VWC2L: variants seen among roughly 807,000 people sequenced by gnomAD.
The protein encoded by VWC2L is von Willebrand factor C domain-containing protein 2-like.
In VWC2L, 10 loss-of-function variants were observed where a neutral mutation model predicts 21.6. That is an observed-to-expected ratio of 0.46 (90% confidence interval 0.29 to 0.78). The LOEUF (loss-of-function observed/expected upper bound fraction) is 0.78, where lower values mean the gene tolerates loss of function less well. VWC2L is among the 30% of genes least tolerant of loss of function. VWC2L has a pLI of 0.10. For synonymous variants in VWC2L, 96 were observed against 94.3 expected (o/e 1.02, Z -0.10); for missense variants, 209 against 277.1 (o/e 0.75, Z 1.74).
chr2:214,504,208 G>A (rs536920242), intron 3 of VWC2L, among the ~76,000 whole-genome samples: 3 of 152,264 alleles, frequency 2.0e-5, no homozygotes, highest in African/African-American at 4.8e-5. Context: ...TAGCTGCTTC[G>A]TTTCCCTAAG....
At position 214,411,279 on chromosome 2, in the gene VWC2L, C is replaced by G. The variant is rs1053677434; in HGVS notation, c.-588C>G. 6.6e-6 allele frequency: 1 copy of G among 152,236 alleles called. No homozygotes were observed. The highest frequency in any genetic ancestry group is 1.5e-5 in the Non-Finnish European group (1 of 68,066). 9.4% of individuals were successfully genotyped at this position (152,236 alleles called of 1,614,324 possible). A position where few individuals can be genotyped will look rare whatever the true frequency, so the allele number is the denominator to read the frequency against. On this transcript the variant is annotated 5_prime_UTR_variant, in exon 1 of 4. Transcript: ENST00000312504. ...TGTAAGAGGGGATTCAAGCAACACACTGTGGACGATGGTGATGGTATTGCC... is the reference window on the plus strand; with the variant it reads ...TGTAAGAGGGGATTCAAGCAACACAGTGTGGACGATGGTGATGGTATTGCC...
At chr2:214,504,967 T>C (rs1688947371) in intron 3 of VWC2L, among the ~76,000 whole-genome samples, 1 of 152,216 alleles carries the variant, frequency 6.6e-6, no homozygotes, top group African/African-American at 2.4e-5. Context: ...TAAATTTGAC[T>C]GGCCTGAACA....
At chr2:214,433,784 A>T (rs1027198375) in intron 2 of VWC2L, among the ~76,000 whole-genome samples, 2 of 152,200 alleles carry the variant, frequency 1.3e-5, no homozygotes, top group African/African-American at 4.8e-5. Flanking sequence ...CAAGTTGAGC[A>T]AGAGGACAAC....
At chr2:214,425,946 C>T (rs1225170979) in intron 2 of VWC2L, among the ~76,000 whole-genome samples, 1 of 151,744 alleles carries the variant, frequency 6.6e-6, no homozygotes. Flanking sequence ...CTGAGGCGGG[C>T]AGATCACCTG....
chr2:214,511,826 C>A (rs1233258590), intron 3 of VWC2L, among the ~76,000 whole-genome samples: 8 of 121,782 alleles, frequency 6.6e-5, no homozygotes, highest in Non-Finnish European at 1.2e-4. Context: ...ACACAACACA[C>A]TATATATATA....
intron 3 of VWC2L, among the ~76,000 whole-genome samples, chr2:214,487,105 G>A (rs762619039): frequency 2.0e-5 from 3 of 152,176 alleles, no homozygotes; most frequent in Non-Finnish European, 4.4e-5. Flanking sequence ...AGAGGAAGGC[G>A]GCAGCCATCT....
At chr2:214,448,627 GTTTA>G (rs948429659) in intron 3 of VWC2L, among the ~76,000 whole-genome samples, 2 of 152,116 alleles carry the variant, frequency 1.3e-5, no homozygotes, top group Non-Finnish European at 2.9e-5. Context: ...TAAAGCTCCT[GTTTA>G]TTAAGAACAG....
intron 3 of VWC2L, among the ~76,000 whole-genome samples, chr2:214,517,217 G>A (rs1689157571): frequency 6.6e-6 from 1 of 152,118 alleles, no homozygotes; most frequent in Admixed American, 6.5e-5. Context: ...TTCTTCACTT[G>A]GCTTTCAGTA....
intron 3 of VWC2L, among the ~76,000 whole-genome samples, chr2:214,439,160 A>G (rs1702724301): frequency 6.6e-6 from 1 of 152,066 alleles, no homozygotes; most frequent in Non-Finnish European, 1.5e-5. Flanking sequence ...CACCAGTGGT[A>G]CCAATAATTT....
rs1324778409 is a variant in VWC2L at position 214,552,271 on chromosome 2, A to T, written c.521-23401A>T. Among the ~76,000 whole-genome samples, 4 of 152,244 alleles carry T rather than the reference A, an allele frequency of 2.6e-5. No homozygotes were observed. The South Asian group carries it at 8.3e-4, about 31-fold the overall frequency. On this transcript the variant is annotated intron_variant, in intron 3 of 3. Transcript: ENST00000312504. The stretch of plus-strand genomic sequence containing the variant: ...TTAAAGAAAGAAAAATAGGCCTTAG[A>T]AGTTGACTGAATGAATAAATACCAA...
intron 3 of VWC2L, among the ~76,000 whole-genome samples, chr2:214,495,937 T>G (rs1011199951): frequency 6.6e-6 from 1 of 152,142 alleles, no homozygotes; most frequent in Non-Finnish European, 1.5e-5. Flanking sequence ...CTACATACAG[T>G]CATGTGTTGC....
intron 3 of VWC2L, among the ~76,000 whole-genome samples, chr2:214,438,904 T>A (rs948856159): frequency 3.3e-5 from 5 of 152,082 alleles, no homozygotes; most frequent in Non-Finnish European, 7.4e-5. Flanking sequence ...TGATATTTTT[T>A]AAATCATGAA....
intron 3 of VWC2L, among the ~76,000 whole-genome samples, chr2:214,493,328 G>T (rs1001041996): frequency 1.3e-5 from 2 of 152,140 alleles, no homozygotes; most frequent in Non-Finnish European, 2.9e-5. Flanking sequence ...CCATCTTTGT[G>T]CAAGTGACAA....
At chr2:214,555,720 A>G (rs1015390496) in intron 3 of VWC2L, among the ~76,000 whole-genome samples, 4 of 152,214 alleles carry the variant, frequency 2.6e-5, no homozygotes, top group African/African-American at 2.4e-5. Flanking sequence ...CATTTTCACA[A>G]GCAAGAATAA....
At chr2:214,533,649 A>T (rs957424093) in intron 3 of VWC2L, among the ~76,000 whole-genome samples, 1 of 152,288 alleles carries the variant, frequency 6.6e-6, no homozygotes, top group Non-Finnish European at 1.5e-5. Context: ...TATTCATATA[A>T]ATGCAAATTC....
chr2:214,446,786 T>A (rs1440175241), intron 3 of VWC2L, among the ~76,000 whole-genome samples: 2 of 152,286 alleles, frequency 1.3e-5, no homozygotes, highest in East Asian at 3.9e-4. Context: ...CTTCAAGTGG[T>A]ATGCAATACT....
At chr2:214,448,998 C>T (rs565136774) in intron 3 of VWC2L, among the ~76,000 whole-genome samples, 15 of 152,146 alleles carry the variant, frequency 9.9e-5, no homozygotes, top group Admixed American at 6.6e-4. Flanking sequence ...CTGCTGTTCC[C>T]GTCATCCAAG....
intron 2 of VWC2L, chr2:214,415,049 T>A (rs952648255): frequency 1.2e-5 from 2 of 161,744 alleles, no homozygotes; most frequent in African/African-American, 2.4e-5. Flanking sequence ...ACTTCTTAGC[T>A]GTGGTCCTCA....
rs928520456 is a variant in VWC2L at position 214,544,373 on chromosome 2, A to G, written c.521-31299A>G. ...CTTGTAAAGCCTTCAAGAAAGTAGT[A>G]GCCGGCCACTGATAAGTAGCAAGTT... On this transcript the variant is annotated intron_variant, in intron 3 of 3. Coordinates refer to ENST00000312504, the MANE Select transcript of VWC2L (RefSeq NM_001080500.4). Among the ~76,000 whole-genome samples the G allele has an allele frequency of 7.2e-5, 11 of 152,176 alleles. No homozygotes were observed. The East Asian group carries it at 2.1e-3, about 29-fold the overall frequency.
Sources: allele counts gnomAD v4.1 joint callset (sites outside exome capture counted in the v4.1 genomes callset), GRCh38; gene constraint gnomAD v4.1.1; transcripts MANE v1.5; gene names NCBI Gene and HGNC (gene_info 2026-07-23, HGNC 2026-07-21).